CARNS1: variants seen among roughly 807,000 people sequenced by gnomAD.
CARNS1 encodes the protein carnosine synthase 1, also known as ATP-grasp domain containing 1.
CARNS1 carries 61 observed loss-of-function variants against 74.0 expected under a neutral mutation model. The observed-to-expected ratio is 0.82, with a 90% CI of 0.67 to 1.02. The LOEUF (loss-of-function observed/expected upper bound fraction) is 1.02, where lower values mean the gene tolerates loss of function less well. CARNS1 is among the 50% of genes least tolerant of loss of function. The pLI, the probability that CARNS1 is intolerant of heterozygous loss-of-function variation, is 0.00. For missense variants in CARNS1, 1,278 were observed against 1,308.4 expected (o/e 0.98, Z 0.36); for synonymous variants, 568 against 605.5 (o/e 0.94, Z 0.91).
intron 9 of CARNS1, among the ~76,000 whole-genome samples, chr11:67,422,253 G>A (rs1740924979): frequency 7.2e-6 from 1 of 138,850 alleles, no homozygotes; most frequent in African/African-American, 2.8e-5. Flanking sequence ...GCGCAATCTC[G>A]GCCCATTGCA....
chr11:67,422,319 G>A (rs1291436617), intron 9 of CARNS1, among the ~76,000 whole-genome samples: 1 of 151,060 alleles, frequency 6.6e-6, no homozygotes, highest in Non-Finnish European at 1.5e-5. Context: ...GAGTAACTAG[G>A]ATTACAGGCA....
At chr11:67,417,011 C>T (rs1863560475) in intron 2 of CARNS1, 2 of 1,004,372 alleles carry the variant, frequency 2.0e-6, no homozygotes, top group Non-Finnish European at 2.4e-6. Flanking sequence ...ATCTACTCTT[C>T]AGTCAACAAA....
chr11:67,423,854 C>A lies in CARNS1; in HGVS notation c.2106C>A (p.Thr702=). The A allele has an allele frequency of 6.2e-7, 1 of 1,612,918 alleles. No individual in the cohort carries two copies. Among genetic ancestry groups the A allele is most frequent in the East Asian group, 2.2e-5 (1 of 44,882 alleles). Residue 702 remains threonine, a synonymous_variant, in exon 10 of 10, where the codon ACC becomes ACA. Transcript: ENST00000687366. This position sits in a 1 kb window ranked among gnomAD's most constrained non-coding sequence, Gnocchi z 5.1. ...PQCHEHFSRI[T]RDLQGEADHP... ...GCCATGAGCACTTTTCCCGGATTAC[C>A]CGAGACTTGCAGGGCGAGGCCGACC... is the stretch of plus-strand genomic sequence containing the variant.
chr11:67,420,911 C>A, intron 8 of CARNS1, 28 bp from the exon 9 acceptor site: 1 of 1,358,280 alleles, frequency 7.4e-7, no homozygotes, highest in Non-Finnish European at 9.4e-7. Context: ...GCTGCCGTAG[C>A]TGAGCTCGCG....
At position 67,419,014 on chromosome 11, in the gene CARNS1, G is replaced by T. The variant is rs569391532; in HGVS notation, c.623G>T (p.Arg208Leu). ...ACAGGAGCTTCGGCTGAGCTGGCCC[G>T]GCTGCTGGAGGACCGGCTGCTGACA... is the stretch of plus-strand genomic sequence containing the variant. ...CPTGASAELA[R>L]LLEDRLLTRQ... Residue 208 changes from arginine to leucine, a missense_variant, in exon 5 of 10, where the codon CGG (arginine) becomes CTG (leucine). Physicochemically the swap from Arg to Leu is moderately radical, Grantham distance 102. Transcript: ENST00000687366. The T allele has an allele frequency of 1.9e-6, 3 of 1,558,636 alleles. No individual in the cohort carries two copies. Among genetic ancestry groups the T allele is most frequent in the Non-Finnish European group, 2.6e-6 (3 of 1,152,288 alleles).
Position 67,419,735 on chromosome 11 carries a change from C to T in CARNS1, c.1028-18C>T, listed in dbSNP as rs984292219. 1 of 1,598,688 alleles carries T rather than the reference C, an allele frequency of 6.3e-7. No homozygotes were observed. Among genetic ancestry groups the T allele is most frequent in the South Asian group, 1.1e-5 (1 of 88,402 alleles). On this transcript the variant is annotated intron_variant, in intron 6 of 9. Coordinates refer to ENST00000687366, the MANE Select transcript of CARNS1 (RefSeq NM_001166222.2). ...TGGCCACTCTGTGCTGGCCTTAGAC[C>T]TCCCCGTCTTCCCCCAGATGGTCCT... is the stretch of plus-strand genomic sequence containing the variant.
rs749797600 is a variant in CARNS1, at chr11:67,418,865, G to A, written c.474G>A (p.Gly158=). 2.5e-6 allele frequency: 4 copies of A among 1,600,848 alleles called. No individual in the cohort carries two copies. The highest frequency in any genetic ancestry group is 2.2e-5 in the South Asian group (2 of 88,936). Residue 158 remains glycine, a synonymous_variant, in exon 5 of 10, where the codon GGG becomes GGA. Coordinates refer to ENST00000687366, the MANE Select transcript of CARNS1 (RefSeq NM_001166222.2). The stretch of plus-strand genomic sequence containing the variant: ...CCAAGGCTGTGAGCTTCCACCCTGG[G>A]GGCCTGACATTCCTGGATGACTTTG... The part of the protein sequence containing the change: ...LVSKAVSFHP[G]GLTFLDDFVP...
Position 67,419,792 on chromosome 11 carries a change from G to C in CARNS1, c.1067G>C (p.Cys356Ser), listed in dbSNP as rs200707936. The C allele has an allele frequency of 1.0e-4, 160 of 1,602,366 alleles. No individual in the cohort carries two copies. The highest frequency in any genetic ancestry group is 1.3e-4 in the Non-Finnish European group (154 of 1,174,984). The change falls in exon 7 of 10, where the codon TGT becomes TCT. Residue 356 changes from cysteine to serine, a missense_variant. Cys to Ser is a moderately radical substitution (Grantham distance 112). Coordinates refer to ENST00000687366, the MANE Select transcript of CARNS1 (RefSeq NM_001166222.2). ...GGCCCCGGCCTGGCCGTGCGAATCT[G>C]TGCTGTGGTGTGTCGGACACAGGGT... is the stretch of plus-strand genomic sequence containing the variant. The part of the protein sequence containing the change: ...SPGPGLAVRI[C>S]AVVCRTQGDR...
intron 1 of CARNS1, chr11:67,415,974 C>G (rs1308442617): frequency 5.3e-6 from 3 of 565,216 alleles, no homozygotes; most frequent in African/African-American, 3.8e-5. Context: ...ACCTGTGAGC[C>G]GCACTGGGGC....
At position 67,417,671 on chromosome 11, in the gene CARNS1, C is replaced by A. The variant is rs879750332; in HGVS notation, c.268C>A (p.Arg90Ser). The change falls in exon 3 of 10, where the codon CGC (arginine) becomes AGC (serine). Residue 90 changes from arginine (R) to serine (S), a missense_variant. By Grantham distance (110) the Arg-to-Ser change is moderately radical. Coordinates refer to ENST00000687366, the MANE Select transcript of CARNS1 (RefSeq NM_001166222.2). ...PETQDRGQVP[R>S]TGCPGAEVTL... is the part of the protein sequence containing the mutation. ...GACTCAGGACCGCGGCCAGGTGCCC[C>A]GCACAGGTGCCCAAGGGCTCCCTGG... is the stretch of plus-strand genomic sequence containing the variant. 4.0e-6 allele frequency: 5 copies of A among 1,256,326 alleles called. No individual in the cohort carries two copies. Among genetic ancestry groups the A allele is most frequent in the Non-Finnish European group, 5.0e-6 (5 of 999,112 alleles). 77.8% of individuals were successfully genotyped at this position (1,256,326 alleles called of 1,614,324 possible).
rs1863579843 is a variant in CARNS1, at chr11:67,417,627, A to G, written c.224A>G (p.Gln75Arg). The G allele has an allele frequency of 6.3e-6, 8 of 1,273,582 alleles. No individual in the cohort carries two copies. The highest frequency in any genetic ancestry group is 7.9e-6 in the Non-Finnish European group (8 of 1,007,938). The allele number at this position is 1,273,582 out of a possible 1,614,324, so 78.9% of individuals were successfully genotyped here. The change falls in exon 3 of 10, where the codon CAG (glutamine) becomes CGG (arginine). Residue 75 changes from glutamine (Q) to arginine (R), a missense_variant. By Grantham distance (43) the Gln-to-Arg change is conservative. Coordinates refer to ENST00000687366, the MANE Select transcript of CARNS1 (RefSeq NM_001166222.2). ...YYYSLLQSCLQQAGLPETQDR... is the reference protein window; with the variant it reads ...YYYSLLQSCLRQAGLPETQDR... ...TACAGCCTCCTGCAGAGCTGTCTGC[A>G]GCAAGCTGGCCTTCCGGAGACTCAG...
chr11:67,416,828 CA>C, intron 2 of CARNS1: 1 of 986,558 alleles, frequency 1.0e-6, no homozygotes, highest in Non-Finnish European at 1.2e-6. Context: ...AAAATATCTG[CA>C]GGGGGGATAC....
At chr11:67,417,254 G>T in intron 2 of CARNS1, 153 bp from the exon 3 acceptor site, 2 of 1,236,402 alleles carry the variant, frequency 1.6e-6, no homozygotes, top group South Asian at 4.0e-5. Flanking sequence ...ACAAGCCTTC[G>T]CCCCCAACAC....
At chr11:67,420,385 C>T (rs1199217679) in intron 7 of CARNS1, among the ~76,000 whole-genome samples, 5 of 152,160 alleles carry the variant, frequency 3.3e-5, no homozygotes, top group South Asian at 2.1e-4. Flanking sequence ...TGGAGGGGGA[C>T]CCCAGCTGGG....
intron 9 of CARNS1, 33 bp downstream of exon 9, chr11:67,421,252 G>A (rs1437423647): frequency 1.4e-6 from 2 of 1,436,794 alleles, no homozygotes; most frequent in Non-Finnish European, 1.8e-6. Context: ...CTGGGCCCCA[G>A]GTCCTGGCCC....
chr11:67,417,018 C>T lies in CARNS1; in HGVS notation c.4-389C>T, dbSNP rs1021671557. Reference sequence around the variant, plus strand: ...GTTCATTCATCTACTCTTCAGTCAACAAACACTTACTGAGAAGTGGCTGTG... The same window carrying T: ...GTTCATTCATCTACTCTTCAGTCAATAAACACTTACTGAGAAGTGGCTGTG... On this transcript the variant is annotated intron_variant, in intron 2 of 9. Transcript: ENST00000687366. 4.0e-6 allele frequency: 4 copies of T among 1,009,152 alleles called. No homozygotes were observed. The African/African-American group carries it at 6.9e-5, about 17-fold the overall frequency. The allele number at this position is 1,009,152 out of a possible 1,614,324, so 62.5% of individuals were successfully genotyped here. A position where few individuals can be genotyped will look rare whatever the true frequency, so the allele number is the denominator to read the frequency against.
rs1259683141 is a variant in CARNS1, at chr11:67,424,863, A to C, written c.*262A>C. On this transcript the variant is annotated 3_prime_UTR_variant, in exon 10 of 10. Coordinates refer to ENST00000687366, the MANE Select transcript of CARNS1 (RefSeq NM_001166222.2). ...TAGCCTTGGAGAAATGACAATGGCC[A>C]CACACACACACACACACACACACAC... The C allele has an allele frequency of 7.8e-6, 2 of 256,220 alleles. No individual in the cohort carries two copies. Among genetic ancestry groups the C allele is most frequent in the South Asian group, 6.1e-5 (1 of 16,392 alleles). 15.9% of individuals were successfully genotyped at this position (256,220 alleles called of 1,614,324 possible). A position where few individuals can be genotyped will look rare whatever the true frequency, so the allele number is the denominator to read the frequency against.
chr11:67,416,457 G>A, intron 2 of CARNS1: 6 of 1,335,982 alleles, frequency 4.5e-6, no homozygotes, highest in Non-Finnish European at 5.8e-6. Flanking sequence ...AGAGGCTCTG[G>A]CCCTGGCAAA....
chr11:67,416,328 C>T (rs1166840944), intron 2 of CARNS1, 126 bp downstream of exon 2: 13 of 1,493,772 alleles, frequency 8.7e-6, no homozygotes, highest in African/African-American at 2.8e-5. Flanking sequence ...CTTAGACCCA[C>T]GACCAGCTCC....
Sources: gnomAD v4.1 joint callset for allele counts (sites outside exome capture counted in the v4.1 genomes callset) on GRCh38, gnomAD v4.1.1 for gene constraint, Gnocchi (gnomAD v3.1) non-coding constraint, MANE v1.5 for transcripts, NCBI Gene and HGNC (gene_info 2026-07-23, HGNC 2026-07-21) for gene names.